Variants in ZSCAN26 observed in about 807,000 individuals in gnomAD.
ZSCAN26 encodes zinc finger and SCAN domain containing 26.
Under a neutral mutation model 23.0 loss-of-function variants are expected in ZSCAN26, and 26 were observed. The observed-to-expected ratio is 1.13, with a 90% CI of 0.83 to 1.57. ZSCAN26 has a LOEUF of 1.57. Ranked by LOEUF, ZSCAN26 falls within the 40% of genes most tolerant of loss-of-function variation. The pLI is 0.00. For synonymous variants in ZSCAN26, 180 were observed against 202.5 expected (o/e 0.89, Z 0.94); for missense variants, 528 against 568.5 (o/e 0.93, Z 0.72).
chr6:28,269,938 T>C (rs1761614799), intron 1 of ZSCAN26, among the ~76,000 whole-genome samples: 1 of 152,200 alleles, frequency 6.6e-6, no homozygotes, highest in Non-Finnish European at 1.5e-5. Flanking sequence ...TTTTATTTTC[T>C]GGCTAATAAT....
chr6:28,277,159 GAA>G lies in ZSCAN26; in HGVS notation c.*66_*67del. On this transcript the variant is annotated 3_prime_UTR_variant, in exon 4 of 4. Transcript: ENST00000421553. The stretch of plus-strand genomic sequence containing the variant: ...CATTGACTAGCAAACAGCACTTTAG[GAA>G]AAGTCACCGTAGCCCACTGTGGCAT... 1 of 1,524,514 alleles carries G rather than the reference GAA, an allele frequency of 6.6e-7. No individual in the cohort carries two copies. Among genetic ancestry groups the G allele is most frequent in the Non-Finnish European group, 8.8e-7 (1 of 1,136,616 alleles). 94.4% of individuals were successfully genotyped at this position (1,524,514 alleles called of 1,614,324 possible). A position where few individuals can be genotyped will look rare whatever the true frequency, so the allele number is the denominator to read the frequency against.
At chr6:28,270,333 C>T (rs1287838687) in intron 1 of ZSCAN26, among the ~76,000 whole-genome samples, 4 of 152,282 alleles carry the variant, frequency 2.6e-5, no homozygotes, top group African/African-American at 7.2e-5. Context: ...AGCCTTCTCC[C>T]GTTCTCCCAC....
In ZSCAN26 at chr6:28,277,176, C is replaced by T. The variant is rs1761987602; in HGVS notation, c.*80C>T. 1 of 1,435,416 alleles carries T rather than the reference C, an allele frequency of 7.0e-7. No individual in the cohort carries two copies. Among genetic ancestry groups the T allele is most frequent in the East Asian group, 2.3e-5 (1 of 43,804 alleles). The allele number at this position is 1,435,416 out of a possible 1,614,324, so 88.9% of individuals were successfully genotyped here. ...CACTTTAGGAAAAGTCACCGTAGCC[C>T]ACTGTGGCATCAGAAAATTCTTGGG... On this transcript the variant is annotated 3_prime_UTR_variant, in exon 4 of 4. Coordinates refer to ENST00000421553, the MANE Select transcript of ZSCAN26 (RefSeq NM_001023560.4).
intron 1 of ZSCAN26, among the ~76,000 whole-genome samples, chr6:28,269,404 A>G (rs997316166): frequency 1.3e-5 from 2 of 152,154 alleles, no homozygotes; most frequent in Non-Finnish European, 2.9e-5. Context: ...ATATCGGTAA[A>G]GATAGGTAGA....
rs763205445 is a variant in ZSCAN26 at position 28,272,165 on chromosome 6, C to G, written c.246C>G (p.Pro82=). 1.9e-6 allele frequency: 3 copies of G among 1,613,470 alleles called. No individual in the cohort carries two copies. Among genetic ancestry groups the G allele is most frequent in the South Asian group, 1.1e-5 (1 of 90,988 alleles). ...LRELCQQWLQ[P]ETHTKEQILE... ...AGCTCTGTCAACAGTGGCTACAGCC[C>G]GAGACCCATACCAAGGAGCAGATCC... The change falls in exon 2 of 4, where the codon CCC becomes CCG. Residue 82 remains proline, a synonymous_variant. Transcript: ENST00000421553.
chr6:28,274,185 T>C (rs1439426895), intron 3 of ZSCAN26, among the ~76,000 whole-genome samples: 1 of 152,166 alleles, frequency 6.6e-6, no homozygotes, highest in Admixed American at 6.6e-5. Context: ...GGTTTTGTTT[T>C]GTTTTCTGAG....
chr6:28,272,305 T>G lies in ZSCAN26; in HGVS notation c.386T>G (p.Leu129Trp). 1 of 1,567,786 alleles carries G rather than the reference T, an allele frequency of 6.4e-7. No individual in the cohort carries two copies. The highest frequency in any genetic ancestry group is 1.2e-5 in the South Asian group (1 of 85,224). The stretch of plus-strand genomic sequence containing the variant: ...GACGTGGTTGTTGTTCTGGAGGATT[T>G]GCAGCTGGATCTTGGAGAAACAGGA... ...REDVVVVLEDLQLDLGETGQQ... is the reference protein window; with the variant it reads ...REDVVVVLEDWQLDLGETGQQ... The change falls in exon 2 of 4, where the codon TTG (leucine) becomes TGG (tryptophan). Residue 129 changes from leucine (L) to tryptophan (W), a missense_variant. Leu to Trp is a moderately conservative substitution (Grantham distance 61). Coordinates refer to ENST00000421553, the MANE Select transcript of ZSCAN26 (RefSeq NM_001023560.4).
Position 28,276,864 on chromosome 6 carries a change from C to T in ZSCAN26, c.1208C>T (p.Ala403Val). ...CATCAATGTAACGAGTGTGGAAAAGCTTTCAGTTTGACCTCAGACCTTATT... is the reference window on the plus strand; with the variant it reads ...CATCAATGTAACGAGTGTGGAAAAGTTTTCAGTTTGACCTCAGACCTTATT... ...KSHQCNECGKAFSLTSDLIRH... is the reference protein window; with the variant it reads ...KSHQCNECGKVFSLTSDLIRH... The change falls in exon 4 of 4, where the codon GCT becomes GTT. Residue 403 changes from alanine to valine, a missense_variant. Ala to Val is a moderately conservative substitution (Grantham distance 64). Transcript: ENST00000421553. The T allele has an allele frequency of 6.2e-7, 1 of 1,613,978 alleles. No individual in the cohort carries two copies. The highest frequency in any genetic ancestry group is 1.7e-5 in the Admixed American group (1 of 60,026).
At chr6:28,274,394 T>G (rs1761852503) in intron 3 of ZSCAN26, among the ~76,000 whole-genome samples, 1 of 152,172 alleles carries the variant, frequency 6.6e-6, no homozygotes, top group African/African-American at 2.4e-5. Flanking sequence ...TCAATAGCCT[T>G]GCAGAAATGA....
intron 1 of ZSCAN26, among the ~76,000 whole-genome samples, chr6:28,270,108 T>C (rs895055461): frequency 7.2e-5 from 11 of 152,128 alleles, no homozygotes; most frequent in African/African-American, 2.4e-4. Context: ...CACACCCGGC[T>C]CATTTTTTGT....
rs775281774 is a variant in ZSCAN26 at position 28,276,203 on chromosome 6, A to T, written c.547A>T (p.Thr183Ser). The T allele has an allele frequency of 2.5e-6, 4 of 1,607,906 alleles. No homozygotes were observed. The South Asian group carries it at 4.4e-5, about 18-fold the overall frequency. The stretch of plus-strand genomic sequence containing the variant: ...TATATTTAATATTGCAGGTGAGGAG[A>T]CAAGGATTGAGAATGGGAAGCTTAT... Reference protein sequence around the residue: ...TKPEKEKGEETRIENGKLIVV... With the variant: ...TKPEKEKGEESRIENGKLIVV... Residue 183 changes from threonine to serine, a missense_variant, in exon 4 of 4, where the codon ACA becomes TCA. Coordinates refer to ENST00000421553, the MANE Select transcript of ZSCAN26 (RefSeq NM_001023560.4).
Position 28,276,570 on chromosome 6 carries a change from AT to A in ZSCAN26, c.915del (p.Gly307ValfsTer100). On this transcript the variant is annotated frameshift_variant, in exon 4 of 4. Transcript: ENST00000421553. LOFTEE classifies it low-confidence loss of function (END_TRUNC). Reference sequence around the variant, plus strand: ...CACCTCGTCAGACATCAGAAAATCCATCTTGGTGAGAAGCCTTATCAGTGCA... The same window carrying A: ...CACCTCGTCAGACATCAGAAAATCCACTTGGTGAGAAGCCTTATCAGTGCA... The part of the protein sequence containing the change: ...SSHLVRHQKI[H>X]LGEKPYQCNE... 6.2e-7 allele frequency: 1 copy of A among 1,613,370 alleles called. No individual in the cohort carries two copies. The highest frequency in any genetic ancestry group is 8.5e-7 in the Non-Finnish European group (1 of 1,179,606).
intron 1 of ZSCAN26, among the ~76,000 whole-genome samples, chr6:28,268,311 A>G (rs1761527736): frequency 6.6e-6 from 1 of 152,102 alleles, no homozygotes; most frequent in Non-Finnish European, 1.5e-5. Context: ...AGGGTGGTCC[A>G]AGCAGAAGGA....
In ZSCAN26 at chr6:28,272,096, T is replaced by G. The variant is rs892204811; in HGVS notation, c.177T>G (p.Tyr59Ter). The G allele has an allele frequency of 1.3e-6, 2 of 1,586,444 alleles. No homozygotes were observed. The highest frequency in any genetic ancestry group is 1.7e-6 in the Non-Finnish European group (2 of 1,165,854). Residue 59 changes from tyrosine to a stop codon, truncating the protein, a stop_gained, in exon 2 of 4, where the codon TAT becomes TAG. Transcript: ENST00000421553. LOFTEE classifies it high-confidence loss of function. The stretch of plus-strand genomic sequence containing the variant: ...GCAAACAATTCAGGCAGTTGCGTTA[T>G]GAAGAGACCACAGGACCTCGAGAAG... ...PLCKQFRQLR[Y>*]EETTGPREAL...
Position 28,277,253 on chromosome 6 carries a change from A to G in ZSCAN26, c.*157A>G. On this transcript the variant is annotated 3_prime_UTR_variant, in exon 4 of 4. Coordinates refer to ENST00000421553, the MANE Select transcript of ZSCAN26 (RefSeq NM_001023560.4). Reference sequence around the variant, plus strand: ...ATTCTCTCTCCTTTGCTTTCCTTGAAGTCAGCTTTGGACCACAATAATTTC... The same window carrying G: ...ATTCTCTCTCCTTTGCTTTCCTTGAGGTCAGCTTTGGACCACAATAATTTC... 1 of 710,392 alleles carries G rather than the reference A, an allele frequency of 1.4e-6. No homozygotes were observed. The allele number at this position is 710,392 out of a possible 1,614,324, so 44.0% of individuals were successfully genotyped here. A position where few individuals can be genotyped will look rare whatever the true frequency, so the allele number is the denominator to read the frequency against.
rs1761475398 is a variant in ZSCAN26 at position 28,267,224 on chromosome 6, C to G, written c.-67+11C>G. On this transcript the variant is annotated intron_variant, in intron 1 of 3. Coordinates refer to ENST00000421553, the MANE Select transcript of ZSCAN26 (RefSeq NM_001023560.4). Reference sequence around the variant, plus strand: ...AGGCCCCTTGACCAGGTGAGCGGACCCTGGAGCTGGGCCCCGGGCTGGGGC... The same window carrying G: ...AGGCCCCTTGACCAGGTGAGCGGACGCTGGAGCTGGGCCCCGGGCTGGGGC... The G allele has an allele frequency of 6.6e-6, 1 of 152,230 alleles. No homozygotes were observed. Among genetic ancestry groups the G allele is most frequent in the Admixed American group, 6.6e-5 (1 of 15,266 alleles). 9.4% of individuals were successfully genotyped at this position (152,230 alleles called of 1,614,324 possible).
At chr6:28,267,465 C>T (rs1466246722) in intron 1 of ZSCAN26, 2 of 152,164 alleles carry the variant, frequency 1.3e-5, no homozygotes, top group Non-Finnish European at 2.9e-5. Context: ...TAGGCGCCAC[C>T]GAGAAGGTAA....
rs1359698133 is a variant in ZSCAN26, at chr6:28,276,925, C to T, written c.1269C>T (p.Phe423=). 3.7e-6 allele frequency: 6 copies of T among 1,613,904 alleles called. No homozygotes were observed. Among genetic ancestry groups the T allele is most frequent in the Non-Finnish European group, 4.2e-6 (5 of 1,179,888 alleles). Residue 423 remains phenylalanine (F), a synonymous_variant, in exon 4 of 4, where the codon TTC becomes TTT. Transcript: ENST00000421553. ...GAATTCATACTGGAGAAAAACCTTT[C>T]AAGTGTAACATATGCCAGAAAGCCT... ...HHRIHTGEKP[F]KCNICQKAFR... is the part of the protein sequence containing the mutation.
intron 1 of ZSCAN26, among the ~76,000 whole-genome samples, chr6:28,269,260 TAGATA>T (rs765678590): frequency 6.6e-5 from 10 of 152,076 alleles, no homozygotes; most frequent in Non-Finnish European, 2.9e-5. Context: ...GATATCTCTA[TAGATA>T]TAATAATATG....
Sources: gnomAD v4.1 joint callset for allele counts (sites outside exome capture counted in the v4.1 genomes callset) on GRCh38, gnomAD v4.1.1 for gene constraint, MANE v1.5 for transcripts, NCBI Gene and HGNC (gene_info 2026-07-23, HGNC 2026-07-21) for gene names.